The following SHISA9 variants were observed in gnomAD, a reference collection of about 807,000 sequenced individuals.
The protein encoded by SHISA9 is protein shisa-9.
In SHISA9, 13 loss-of-function variants were observed where a neutral mutation model predicts 38.0. The ratio of observed to expected loss-of-function variants is 0.34; its 90% CI spans 0.22 to 0.54. SHISA9 has a LOEUF of 0.54. Among genes scored for constraint, SHISA9 ranks in the 20% least tolerant of loss-of-function variants. The pLI, the probability that SHISA9 is intolerant of heterozygous loss-of-function variation, is 0.91. For synonymous variants in SHISA9, 275 were observed against 242.0 expected (o/e 1.14, Z -1.27); for missense variants, 538 against 575.8 (o/e 0.93, Z 0.67).
chr16:13,235,534 A>T lies in SHISA9; in HGVS notation c.*125A>T. ...CACACACTCACTCTCAACAAGAACC[A>T]ACTCTAAACCTACTGGGGACACAGA... On this transcript the variant is annotated 3_prime_UTR_variant, in exon 5 of 5. Transcript: ENST00000558583. 1 of 1,208,410 alleles carries T rather than the reference A, an allele frequency of 8.3e-7. No homozygotes were observed. The highest frequency in any genetic ancestry group is 1.6e-5 in the South Asian group (1 of 61,584). 74.9% of individuals were successfully genotyped at this position (1,208,410 alleles called of 1,614,324 possible).
intron 1 of SHISA9, among the ~76,000 whole-genome samples, chr16:12,906,036 C>G (rs558501356): frequency 6.6e-6 from 1 of 152,176 alleles, no homozygotes; most frequent in East Asian, 1.9e-4. Flanking sequence ...GGCAACTGAC[C>G]CAGTAGCCTT....
the SHISA9 span, among the ~76,000 whole-genome samples, chr16:13,504,362 A>T: frequency 6.6e-6 from 1 of 152,094 alleles, no homozygotes; most frequent in Non-Finnish European, 1.5e-5. Context: ...CTTTTCGGAG[A>T]TTTCCAAAAC....
At chr16:13,159,071 AAC>A (rs1162703667) in intron 2 of SHISA9, among the ~76,000 whole-genome samples, 4 of 150,260 alleles carry the variant, frequency 2.7e-5, no homozygotes, top group South Asian at 2.1e-4. Flanking sequence ...AAAAAAAAAA[AAC>A]AAAACCAAAA....
the SHISA9 span, among the ~76,000 whole-genome samples, chr16:13,307,336 C>A: frequency 2.0e-5 from 3 of 152,168 alleles, no homozygotes; most frequent in Admixed American, 6.5e-5. Flanking sequence ...TGTACTTCCC[C>A]TGTATTTTCT....
chr16:13,407,903 A>C, the SHISA9 span, among the ~76,000 whole-genome samples: 1 of 152,252 alleles, frequency 6.6e-6, no homozygotes, highest in Non-Finnish European at 1.5e-5. Flanking sequence ...AGGAGAAAGC[A>C]AAGAAAACCA....
the SHISA9 span, among the ~76,000 whole-genome samples, chr16:13,434,382 C>T: frequency 6.6e-6 from 1 of 150,988 alleles, no homozygotes; most frequent in African/African-American, 2.4e-5. Context: ...CAAATTGGCG[C>T]TCAATATTAA....
the SHISA9 span, among the ~76,000 whole-genome samples, chr16:13,450,775 G>T: frequency 3.3e-5 from 5 of 151,770 alleles, no homozygotes; most frequent in African/African-American, 7.3e-5. Flanking sequence ...TTGTTGTTTT[G>T]TTGTTGTTGT....
chr16:13,284,231 A>G, the SHISA9 span, among the ~76,000 whole-genome samples: 1 of 152,170 alleles, frequency 6.6e-6, no homozygotes, highest in African/African-American at 2.4e-5. Flanking sequence ...GGACTTACCT[A>G]GGTGTTTCCT....
the SHISA9 span, among the ~76,000 whole-genome samples, chr16:13,531,479 T>C: frequency 1.3e-5 from 2 of 152,304 alleles, no homozygotes; most frequent in African/African-American, 4.8e-5. Flanking sequence ...TCGAGTAATC[T>C]TTCTGAGGTC....
At chr16:13,269,200 T>C in the SHISA9 span, among the ~76,000 whole-genome samples, 1 of 152,162 alleles carries the variant, frequency 6.6e-6, no homozygotes, top group South Asian at 2.1e-4. Context: ...CTGTAGGGCT[T>C]TTGTGGCACC....
the SHISA9 span, among the ~76,000 whole-genome samples, chr16:13,511,863 A>T: frequency 2.0e-5 from 3 of 152,300 alleles, no homozygotes; most frequent in Non-Finnish European, 2.9e-5. Context: ...CACCACATTT[A>T]TGTGAAAAAA....
intron 2 of SHISA9, among the ~76,000 whole-genome samples, chr16:13,032,908 C>A (rs553550824): frequency 6.6e-6 from 1 of 152,150 alleles, no homozygotes; most frequent in Non-Finnish European, 1.5e-5. Context: ...CTTGTAATTG[C>A]AAAGTTCCCT....
chr16:13,079,026 G>C (rs762151366), intron 2 of SHISA9, among the ~76,000 whole-genome samples: 1 of 152,206 alleles, frequency 6.6e-6, no homozygotes, highest in Non-Finnish European at 1.5e-5. Flanking sequence ...AAGTGACCCT[G>C]TGTGAGTTAT....
At chr16:13,078,076 G>A (rs2073604309) in intron 2 of SHISA9, among the ~76,000 whole-genome samples, 1 of 152,138 alleles carries the variant, frequency 6.6e-6, no homozygotes, top group Admixed American at 6.5e-5. Context: ...AATTAAAACA[G>A]GTGCTTATAA....
At chr16:13,209,690 C>T (rs2051099572) in intron 3 of SHISA9, among the ~76,000 whole-genome samples, 1 of 152,122 alleles carries the variant, frequency 6.6e-6, no homozygotes, top group African/African-American at 2.4e-5. Flanking sequence ...AAAAATGTAA[C>T]CTGAAAATCC....
intron 2 of SHISA9, among the ~76,000 whole-genome samples, chr16:13,036,432 G>A (rs2073064360): frequency 6.6e-6 from 1 of 152,138 alleles, no homozygotes; most frequent in Non-Finnish European, 1.5e-5. Context: ...ATGAAATCTA[G>A]TGTCCGAAGG....
chr16:13,227,164 CTTTCGTA>C (rs1007466825), intron 4 of SHISA9, among the ~76,000 whole-genome samples: 8 of 152,086 alleles, frequency 5.3e-5, no homozygotes, highest in African/African-American at 1.7e-4. Flanking sequence ...TTCTGATTGT[CTTTCGTA>C]TTTCAAGTGT....
the SHISA9 span, among the ~76,000 whole-genome samples, chr16:13,433,077 A>G: frequency 1.3e-5 from 2 of 150,698 alleles, no homozygotes; most frequent in South Asian, 4.2e-4. Context: ...TAAAAATTTT[A>G]AAAAATGCTA....
chr16:13,408,408 A>C, the SHISA9 span, among the ~76,000 whole-genome samples: 1 of 152,314 alleles, frequency 6.6e-6, no homozygotes, highest in South Asian at 2.1e-4. Context: ...TAATTGACTA[A>C]TAAAATAAAC....
Sources: gnomAD v4.1 joint callset for allele counts (sites outside exome capture counted in the v4.1 genomes callset) on GRCh38, gnomAD v4.1.1 for gene constraint, MANE v1.5 for transcripts, NCBI Gene and HGNC (gene_info 2026-07-23, HGNC 2026-07-21) for gene names.